The following TMEM38B variants were observed in gnomAD, a reference collection of about 807,000 sequenced individuals.
The protein encoded by TMEM38B is transmembrane protein 38B, also known as trimeric intracellular cation channel type B.
TMEM38B carries 24 observed loss-of-function variants against 28.7 expected under a neutral mutation model. That is an observed-to-expected ratio of 0.84 (90% CI 0.61 to 1.18). The LOEUF is 1.18. Ranked by LOEUF, TMEM38B falls within the 50% of genes most tolerant of loss-of-function variation. The pLI, the probability that TMEM38B is intolerant of heterozygous loss-of-function variation, is 0.00. For missense variants in TMEM38B, 380 were observed against 350.9 expected (o/e 1.08, Z -0.66); for synonymous variants, 131 against 127.7 (o/e 1.03, Z -0.17).
chr9:105,742,690 C>A (rs1300006295), intron 4 of TMEM38B, among the ~76,000 whole-genome samples: 1 of 152,148 alleles, frequency 6.6e-6, no homozygotes, highest in Non-Finnish European at 1.5e-5. Context: ...TAGACTCAAC[C>A]CTTAAGAGAA....
At chr9:105,733,799 G>A (rs1836863952) in intron 4 of TMEM38B, among the ~76,000 whole-genome samples, 1 of 151,766 alleles carries the variant, frequency 6.6e-6, no homozygotes, top group South Asian at 2.1e-4. Flanking sequence ...TATTTCTGTG[G>A]TGTCTGTTGT....
intron 4 of TMEM38B, among the ~76,000 whole-genome samples, chr9:105,740,771 T>C (rs1351749176): frequency 6.6e-6 from 1 of 152,176 alleles, no homozygotes; most frequent in African/African-American, 2.4e-5. Flanking sequence ...AATATACGTA[T>C]TGTGGAAAAT....
rs186113414 is a variant in TMEM38B at position 105,734,484 on chromosome 9, G to C, written c.542+11863G>C. 2.0e-5 allele frequency among the ~76,000 whole-genome samples: 3 copies of C among 152,110 alleles called. No individual in the cohort carries two copies. In the East Asian group the frequency reaches 5.8e-4, roughly 29 times the overall value. ...TGGTCTAAAGTATAGTTCACATTCA[G>C]TATTTCTTTATTAATGCTTTCTCTG... On this transcript the variant is annotated intron_variant, in intron 4 of 5. Coordinates refer to ENST00000374692, the MANE Select transcript of TMEM38B (RefSeq NM_018112.3).
rs1029198383 is a variant in TMEM38B, at chr9:105,773,857, T to TC, written c.661-3dup. 1.1e-5 allele frequency: 18 copies of TC among 1,593,614 alleles called. No homozygotes were observed. The highest frequency in any genetic ancestry group is 1.5e-5 in the Non-Finnish European group (17 of 1,169,562). On this transcript the variant is annotated splice_polypyrimidine_tract_variant and splice_region_variant and intron_variant, in intron 5 of 5. Transcript: ENST00000374692. ...ATTTAAATTCAAAATTAAACTTTTT[T>TC]CCCCCAGATAACCATGATGACTACA...
rs148779001 is a variant in TMEM38B, at chr9:105,765,975, A to G, written c.661-7890A>G. 1.8e-4 allele frequency among the ~76,000 whole-genome samples: 28 copies of G among 151,780 alleles called. No homozygotes were observed. In the East Asian group the frequency reaches 5.2e-3, roughly 28 times the overall value. ...TGCCACCACGCCTGGCTAATTTTTC[A>G]TATTTTTAGTAGAGACGGGGTTTCA... On this transcript the variant is annotated intron_variant, in intron 5 of 5. Coordinates refer to ENST00000374692, the MANE Select transcript of TMEM38B (RefSeq NM_018112.3).
chr9:105,721,163 A>G (rs1318843993), intron 2 of TMEM38B, among the ~76,000 whole-genome samples: 1 of 152,180 alleles, frequency 6.6e-6, no homozygotes, highest in Non-Finnish European at 1.5e-5. Context: ...GAGGACAAAG[A>G]CACTGTGTAG....
intron 2 of TMEM38B, among the ~76,000 whole-genome samples, chr9:105,709,382 A>G (rs1482260133): frequency 6.6e-6 from 1 of 152,224 alleles, no homozygotes; most frequent in East Asian, 1.9e-4. Context: ...TAAATGGCAT[A>G]TAACCACACA....
At chr9:105,766,389 T>C (rs765385588) in intron 5 of TMEM38B, among the ~76,000 whole-genome samples, 11 of 152,244 alleles carry the variant, frequency 7.2e-5, no homozygotes, top group Non-Finnish European at 1.0e-4. Context: ...TTCGTGTGTT[T>C]ACTGGCCACT....
chr9:105,745,529 C>T (rs920592966), intron 4 of TMEM38B, among the ~76,000 whole-genome samples: 18 of 152,112 alleles, frequency 1.2e-4, no homozygotes, highest in Non-Finnish European at 1.8e-4. Context: ...TTCTCCCATT[C>T]TGTAGGTTGC....
At chr9:105,700,044 A>G (rs1289788816) in intron 1 of TMEM38B, among the ~76,000 whole-genome samples, 1 of 152,124 alleles carries the variant, frequency 6.6e-6, no homozygotes, top group African/African-American at 2.4e-5. Context: ...ACATCAAACC[A>G]CCATTTTGTG....
intron 4 of TMEM38B, among the ~76,000 whole-genome samples, chr9:105,740,740 C>T (rs981935099): frequency 1.3e-5 from 2 of 152,148 alleles, no homozygotes. Context: ...TCCTTCTCCA[C>T]CTCCAAGTTT....
intron 5 of TMEM38B, among the ~76,000 whole-genome samples, chr9:105,773,125 A>G (rs1433817774): frequency 6.6e-6 from 1 of 152,134 alleles, no homozygotes; most frequent in African/African-American, 2.4e-5. Flanking sequence ...TAGACTTGAA[A>G]GTTCTCCTCC....
At chr9:105,716,658 C>T (rs1836110897) in intron 2 of TMEM38B, among the ~76,000 whole-genome samples, 1 of 105,990 alleles carries the variant, frequency 9.4e-6, no homozygotes, top group Non-Finnish European at 1.8e-5. Context: ...TGCAGATTTT[C>T]TTCTGCCTCT....
At position 105,748,149 on chromosome 9, in the gene TMEM38B, A is replaced by T. The variant is rs1326683915; in HGVS notation, c.619A>T (p.Asn207Tyr). 2 of 1,613,540 alleles carry T rather than the reference A, an allele frequency of 1.2e-6. No individual in the cohort carries two copies. The highest frequency in any genetic ancestry group is 8.5e-7 in the Non-Finnish European group (1 of 1,179,622). ...HTQHLAISKH[N>Y]LMFLYTIFIV... Reference sequence around the variant, plus strand: ...CCAGCATCTGGCAATATCAAAGCATAATCTTATGTTCCTTTATACCATCTT... The same window carrying T: ...CCAGCATCTGGCAATATCAAAGCATTATCTTATGTTCCTTTATACCATCTT... The change falls in exon 5 of 6, where the codon AAT becomes TAT. Residue 207 changes from asparagine to tyrosine, a missense_variant. Transcript: ENST00000374692.
intron 4 of TMEM38B, among the ~76,000 whole-genome samples, chr9:105,739,267 G>A (rs1230459509): frequency 6.7e-6 from 1 of 149,022 alleles, no homozygotes; most frequent in Non-Finnish European, 1.5e-5. Flanking sequence ...TTTTAGTTAA[G>A]TCCCCAAATT....
intron 5 of TMEM38B, among the ~76,000 whole-genome samples, chr9:105,749,809 G>C (rs1377857270): frequency 6.6e-6 from 1 of 152,114 alleles, no homozygotes; most frequent in Non-Finnish European, 1.5e-5. Flanking sequence ...TGGCTAATAT[G>C]GATAATGAGC....
In TMEM38B at chr9:105,710,731, A is replaced by G. The variant is rs532191283; in HGVS notation, c.269+4978A>G. On this transcript the variant is annotated intron_variant, in intron 2 of 5. Transcript: ENST00000374692. The stretch of plus-strand genomic sequence containing the variant: ...ATCTTCAGACCTGGTGTCGTTGGCT[A>G]TGTTCCTGACAAACAGAGACATGTT... 4.1e-5 allele frequency: 25 copies of G among 612,802 alleles called. No individual in the cohort carries two copies. The East Asian group carries it at 5.4e-4, about 13-fold the overall frequency. 38.0% of individuals were successfully genotyped at this position (612,802 alleles called of 1,614,324 possible).
chr9:105,710,295 C>A, intron 2 of TMEM38B: 2 of 655,948 alleles, frequency 3.0e-6, no homozygotes, highest in South Asian at 3.3e-5. Flanking sequence ...TTTGGTCTGT[C>A]ATTGTCGGAA....
chr9:105,725,706 G>A (rs7846853), intron 4 of TMEM38B, among the ~76,000 whole-genome samples: 1 of 151,828 alleles, frequency 6.6e-6, no homozygotes, highest in African/African-American at 2.4e-5. Flanking sequence ...CATACCTAAA[G>A]AGAAAAGATG....
Sources: allele counts gnomAD v4.1 joint callset (sites outside exome capture counted in the v4.1 genomes callset), GRCh38; gene constraint gnomAD v4.1.1; transcripts MANE v1.5; gene names NCBI Gene and HGNC (gene_info 2026-07-23, HGNC 2026-07-21).